The following VWA8 variants were observed in gnomAD, a reference collection of about 807,000 sequenced individuals.
VWA8 encodes the protein von Willebrand factor A domain-containing protein 8.
VWA8 carries 221 observed loss-of-function variants against 241.5 expected under a neutral mutation model. That is an observed-to-expected ratio of 0.91 (90% confidence interval 0.82 to 1.02). The LOEUF is 1.02. Ranked by LOEUF, VWA8 falls within the 50% of genes least tolerant of loss-of-function variation. VWA8 has a pLI of 0.00. For missense variants in VWA8, 2,322 were observed against 2,328.7 expected (o/e 1.00, Z 0.06); for synonymous variants, 852 against 827.1 (o/e 1.03, Z -0.52).
At chr13:41,729,511 T>G (rs1396041308) in intron 23 of VWA8, 31 bp downstream of exon 23, 1 of 1,593,866 alleles carries the variant, frequency 6.3e-7, no homozygotes. Context: ...TTGTATTTAT[T>G]AAAGGAAACA....
intron 21 of VWA8, among the ~76,000 whole-genome samples, chr13:41,747,532 T>C (rs1392339763): frequency 6.6e-6 from 1 of 152,238 alleles, no homozygotes; most frequent in Non-Finnish European, 1.5e-5. Context: ...TATACAATCA[T>C]GTCACCTGCA....
rs755332977 is a variant in VWA8 at position 41,605,268 on chromosome 13, T to C, written c.4886A>G (p.Glu1629Gly). 1.2e-6 allele frequency: 2 copies of C among 1,612,788 alleles called. No homozygotes were observed. Among genetic ancestry groups the C allele is most frequent in the Non-Finnish European group, 1.7e-6 (2 of 1,179,166 alleles). Residue 1629 changes from glutamate to glycine, a missense_variant, in exon 40 of 45, where the codon GAG becomes GGG. By Grantham distance (98) the Glu-to-Gly change is moderately conservative. Coordinates refer to ENST00000379310, the MANE Select transcript of VWA8 (RefSeq NM_015058.2). ...AGCATCGTATTCACTCATTTGGATCTCCTTTAGCCTGAAATCAGAAGAGTA... is the reference window on the plus strand; with the variant it reads ...AGCATCGTATTCACTCATTTGGATCCCCTTTAGCCTGAAATCAGAAGAGTA... ...GQRAFQQRLKEIQMSEYDAAT... is the reference protein window; with the variant it reads ...GQRAFQQRLKGIQMSEYDAAT...
intron 26 of VWA8, 121 bp downstream of exon 26, chr13:41,719,470 A>G: frequency 6.5e-7 from 1 of 1,545,546 alleles, no homozygotes; most frequent in Non-Finnish European, 8.7e-7. Flanking sequence ...CAACATATAC[A>G]TGTATTTGAA....
chr13:41,950,590 G>A (rs369587125), intron 1 of VWA8, among the ~76,000 whole-genome samples: 95 of 150,914 alleles, frequency 6.3e-4, no homozygotes, highest in African/African-American at 2.2e-3. Context: ...GGATGATCTC[G>A]ATCTCCTGAC....
rs532797288 is a variant in VWA8 at position 41,636,370 on chromosome 13, C to A, written c.4612-21286G>T. Among the ~76,000 whole-genome samples, 6 of 152,210 alleles carry A rather than the reference C, an allele frequency of 3.9e-5. No individual in the cohort carries two copies. In the East Asian group the frequency reaches 5.8e-4, roughly 15 times the overall value. On this transcript the variant is annotated intron_variant, in intron 37 of 44. Transcript: ENST00000379310. ...AAATGGTGGTGGGAAAACTGGCTAG[C>A]CATATGTAGAAAGCTGAAACTGGAT...
At chr13:41,838,713 T>C (rs917629188) in intron 12 of VWA8, among the ~76,000 whole-genome samples, 3 of 152,186 alleles carry the variant, frequency 2.0e-5, no homozygotes, top group African/African-American at 7.2e-5. Flanking sequence ...TTGAATCTAA[T>C]CTAATATCCA....
rs2044279746 is a variant in VWA8 at position 41,568,746 on chromosome 13, G to A, written c.5610-441C>T. ...AACAGGCCTCTAAAAACGCTGCGCAGCCAAACCCTGAGTGGTTCTTTCTCT... is the reference window on the plus strand; with the variant it reads ...AACAGGCCTCTAAAAACGCTGCGCAACCAAACCCTGAGTGGTTCTTTCTCT... On this transcript the variant is annotated intron_variant, in intron 44 of 44. Transcript: ENST00000379310. Among the ~76,000 whole-genome samples, 3 of 152,136 alleles carry A rather than the reference G, an allele frequency of 2.0e-5. No homozygotes were observed. The South Asian group carries it at 6.2e-4, about 32-fold the overall frequency.
intron 12 of VWA8, among the ~76,000 whole-genome samples, 190 bp from the exon 13 acceptor site, chr13:41,833,721 T>A (rs1050995520): frequency 1.3e-5 from 2 of 149,770 alleles, no homozygotes; most frequent in Admixed American, 6.6e-5. Flanking sequence ...CATTTTAGGA[T>A]TTTTTTCCAT....
At chr13:41,958,236 G>A (rs1008466118) in intron 1 of VWA8, among the ~76,000 whole-genome samples, 2 of 152,106 alleles carry the variant, frequency 1.3e-5, no homozygotes, top group African/African-American at 4.8e-5. Flanking sequence ...GTCCTCTCTT[G>A]AGAGCAAACG....
intron 14 of VWA8, among the ~76,000 whole-genome samples, chr13:41,822,522 A>G (rs909996876): frequency 6.6e-6 from 1 of 152,122 alleles, no homozygotes; most frequent in Non-Finnish European, 1.5e-5. Context: ...ACGCTAAATA[A>G]GTAAGTGTAT....
intron 3 of VWA8, 108 bp downstream of exon 3, chr13:41,911,930 T>C (rs1238221608): frequency 2.4e-6 from 3 of 1,226,492 alleles, no homozygotes; most frequent in South Asian, 3.1e-5. Flanking sequence ...TCAGCATTTG[T>C]TTCAAATAAT....
Position 41,807,394 on chromosome 13 carries a change from A to G in VWA8, c.2063+3831T>C, listed in dbSNP as rs1201570527. On this transcript the variant is annotated intron_variant, in intron 17 of 44. Coordinates refer to ENST00000379310, the MANE Select transcript of VWA8 (RefSeq NM_015058.2). ...AGAGAAGACACATCAAAAAAAAAGA[A>G]AACTACAGGCCAATATCCTTGACAA... 3.9e-5 allele frequency among the ~76,000 whole-genome samples: 6 copies of G among 152,336 alleles called. No homozygotes were observed. The East Asian group carries it at 1.2e-3, about 29-fold the overall frequency.
intron 23 of VWA8, 139 bp downstream of exon 23, chr13:41,729,403 G>T: frequency 1.2e-6 from 1 of 808,176 alleles, no homozygotes; most frequent in Non-Finnish European, 1.8e-6. Context: ...TTTTATAAAT[G>T]ATTGTCAATA....
Position 41,923,977 on chromosome 13 carries a change from C to T in VWA8, c.242-11809G>A, listed in dbSNP as rs77731764. Reference sequence around the variant, plus strand: ...AGAAATCAGCATCAGAACACAAACACACACACAAACACACACAAATGAAAA... The same window carrying T: ...AGAAATCAGCATCAGAACACAAACATACACACAAACACACACAAATGAAAA... On this transcript the variant is annotated intron_variant, in intron 2 of 44. Transcript: ENST00000379310. 1.7e-3 allele frequency among the ~76,000 whole-genome samples: 256 copies of T among 152,176 alleles called. 2 individuals are homozygous for T. Among genetic ancestry groups the T allele is most frequent in the African/African-American group, 5.7e-3 (235 of 41,508 alleles).
chr13:41,660,818 C>A (rs1055950235), intron 37 of VWA8, among the ~76,000 whole-genome samples: 1 of 151,986 alleles, frequency 6.6e-6, no homozygotes, highest in Non-Finnish European at 1.5e-5. Context: ...TTTATCTATT[C>A]ATCAAAGGAA....
intron 14 of VWA8, among the ~76,000 whole-genome samples, chr13:41,827,223 T>C (rs1047235720): frequency 1.3e-5 from 2 of 152,242 alleles, no homozygotes; most frequent in African/African-American, 4.8e-5. Context: ...TAGGTTATCA[T>C]AATAATGTAA....
intron 4 of VWA8, among the ~76,000 whole-genome samples, chr13:41,900,708 A>G (rs1875385773): frequency 6.6e-6 from 1 of 152,240 alleles, no homozygotes. Flanking sequence ...AATTTAAAGT[A>G]ACTGAACCTA....
intron 36 of VWA8, among the ~76,000 whole-genome samples, chr13:41,673,420 T>C (rs975202060): frequency 6.6e-6 from 1 of 152,098 alleles, no homozygotes; most frequent in African/African-American, 2.4e-5. Context: ...TTTATACATA[T>C]GTCAAAAAAA....
chr13:41,652,608 C>T (rs1267238055), intron 37 of VWA8, among the ~76,000 whole-genome samples: 1 of 151,990 alleles, frequency 6.6e-6, no homozygotes, highest in African/African-American at 2.4e-5. Context: ...TACAATCTAC[C>T]TTATTTTATA....
Sources: allele counts gnomAD v4.1 joint callset (sites outside exome capture counted in the v4.1 genomes callset), GRCh38; gene constraint gnomAD v4.1.1; transcripts MANE v1.5; gene names NCBI Gene and HGNC (gene_info 2026-07-23, HGNC 2026-07-21).